The following RBM26 variants were observed in gnomAD, a reference collection of about 807,000 sequenced individuals.
The protein encoded by RBM26 is RNA-binding protein 26.
A neutral mutation model predicts 123.6 loss-of-function variants in RBM26; 30 were observed. The ratio of observed to expected loss-of-function variants is 0.24; its 90% confidence interval spans 0.18 to 0.33. RBM26 has a LOEUF of 0.33. Ranked by LOEUF, RBM26 falls within the 10% of genes least tolerant of loss-of-function variation. The pLI, the probability that RBM26 is intolerant of heterozygous loss-of-function variation, is 1.00. For missense variants in RBM26, 947 were observed against 1,203.6 expected, an observed-to-expected ratio of 0.79 and a Z score of 3.15; for synonymous variants, 400 against 404.4, an observed-to-expected ratio of 0.99 and a Z score of 0.13.
chr13:79,315,092 T>A, downstream of RBM26: 4 of 563,824 alleles, frequency 7.1e-6, no homozygotes, highest in South Asian at 6.9e-5. Context: ...TTCTAAACAT[T>A]AAAAAAGTCT....
At chr13:79,334,238 CA>C (rs2069926995) in intron 20 of RBM26, 105 bp downstream of exon 20, 3 of 630,036 alleles carry the variant, frequency 4.8e-6, no homozygotes, top group Non-Finnish European at 8.0e-6. Context: ...TACCTATTGT[CA>C]AAGCATATTA....
Position 79,342,709 on chromosome 13 carries a change from A to G in RBM26, c.2382T>C (p.Ala794=), listed in dbSNP as rs778334860. The G allele has an allele frequency of 1.2e-6, 2 of 1,611,656 alleles. No individual in the cohort carries two copies. The highest frequency in any genetic ancestry group is 1.7e-6 in the Non-Finnish European group (2 of 1,178,494). Residue 794 remains alanine, a synonymous_variant, in exon 17 of 22, where the codon GCT becomes GCC. Coordinates refer to ENST00000438737, the MANE Select transcript of RBM26 (RefSeq NM_001366735.2). The stretch of plus-strand genomic sequence containing the variant: ...TTTTTGGAAGACAGCGTCCAGGAGA[A>G]GCAGCTTTGACCTCATCTTTCAACT... The part of the protein sequence containing the change: ...ITKLKDEVKA[A]SPGRCLPKSI...
chr13:79,338,316 T>C (rs1566350479), intron 18 of RBM26, among the ~76,000 whole-genome samples: 2 of 152,234 alleles, frequency 1.3e-5, no homozygotes, highest in South Asian at 4.1e-4. Context: ...AGATTTGCAG[T>C]GAATAACCCA....
intron 6 of RBM26, among the ~76,000 whole-genome samples, chr13:79,368,057 G>A (rs61151618): frequency 6.9e-5 from 10 of 145,444 alleles, no homozygotes; most frequent in Non-Finnish European, 1.2e-4. Context: ...ACGGAGTCTC[G>A]CTCTGTCACC....
chr13:79,359,234 G>A (rs1213965760), intron 10 of RBM26, among the ~76,000 whole-genome samples: 2 of 152,116 alleles, frequency 1.3e-5, no homozygotes, highest in African/African-American at 4.8e-5. Flanking sequence ...TCTCTTGACA[G>A]GTCTGATCTA....
chr13:79,377,991 A>G (rs1034875060), intron 2 of RBM26, among the ~76,000 whole-genome samples: 10 of 152,262 alleles, frequency 6.6e-5, no homozygotes, highest in Middle Eastern at 3.4e-3. Flanking sequence ...CCAGTGTGCC[A>G]TGGCACAAGT....
At chr13:79,344,840 T>C (rs2072041078) in intron 14 of RBM26, 46 bp from the exon 15 acceptor site, 2 of 1,586,218 alleles carry the variant, frequency 1.3e-6, no homozygotes, top group Admixed American at 3.5e-5. Context: ...CAGCCGTTCA[T>C]GATATCCTAT....
At chr13:79,403,027 A>AC (rs1191652690) in intron 1 of RBM26, among the ~76,000 whole-genome samples, 1 of 151,858 alleles carries the variant, frequency 6.6e-6, no homozygotes. Context: ...GTTACAGCTT[A>AC]CCCTTGGTCC....
intron 20 of RBM26, among the ~76,000 whole-genome samples, chr13:79,331,805 G>A (rs997794458): frequency 2.6e-5 from 4 of 152,156 alleles, no homozygotes; most frequent in Non-Finnish European, 5.9e-5. Flanking sequence ...AATCAGTCAT[G>A]GAAGAGACGA....
intron 14 of RBM26, among the ~76,000 whole-genome samples, chr13:79,352,471 A>T (rs1275300792): frequency 6.6e-6 from 1 of 151,906 alleles, no homozygotes. Context: ...CTAAACAAAA[A>T]AAAAAAATAA....
At chr13:79,391,115 T>G (rs1219096392) in intron 1 of RBM26, among the ~76,000 whole-genome samples, 1 of 152,158 alleles carries the variant, frequency 6.6e-6, no homozygotes, top group Non-Finnish European at 1.5e-5. Context: ...AATAAGATCA[T>G]AAAGGACATG....
chr13:79,371,894 T>C lies in RBM26; in HGVS notation c.364A>G (p.Arg122Gly). ...TGGGGAGGACTGTGATTTAGCCTTCTAGAAAACTTCTTCTCTCGCTCTTCC... is the reference window on the plus strand; with the variant it reads ...TGGGGAGGACTGTGATTTAGCCTTCCAGAAAACTTCTTCTCTCGCTCTTCC... ...KEEEREKKFS[R>G]RLNHSPPQSS... Residue 122 changes from arginine (R) to glycine (G), a missense_variant, in exon 4 of 22, where the codon AGA becomes GGA. Arg to Gly is a moderately radical substitution (Grantham distance 125, BLOSUM62 -2). Around this residue, in one of 5 missense-constraint regions of RBM26, gnomAD observed 275 missense variants for 361.0 expected, o/e 0.76. Transcript: ENST00000438737. 1.9e-6 allele frequency: 3 copies of C among 1,612,526 alleles called. No individual in the cohort carries two copies. Among genetic ancestry groups the C allele is most frequent in the Non-Finnish European group, 2.5e-6 (3 of 1,179,072 alleles).
intron 21 of RBM26, 112 bp from the exon 22 acceptor site, chr13:79,320,822 A>G: frequency 8.5e-7 from 1 of 1,175,718 alleles, no homozygotes; most frequent in African/African-American, 1.6e-5. Flanking sequence ...TACAAAAGGT[A>G]TTTTTATAGC....
chr13:79,357,025 T>C (rs1274544419), intron 11 of RBM26, among the ~76,000 whole-genome samples: 1 of 122,570 alleles, frequency 8.2e-6, no homozygotes, highest in Non-Finnish European at 1.8e-5. Flanking sequence ...GTAATGTGTA[T>C]ACTATGGGCT....
At chr13:79,316,192 GGT>G (rs3064578), downstream of RBM26, among the ~76,000 whole-genome samples, 47,999 of 141,798 alleles carry the variant, frequency 0.34, 7,904 homozygotes, top group Admixed American at 0.43. Flanking sequence ...AAGTGGGGCA[GGT>G]GTGTGTGTGT....
At chr13:79,324,782 AAAAAG>A (rs1193426196) in intron 20 of RBM26, among the ~76,000 whole-genome samples, 2 of 152,026 alleles carry the variant, frequency 1.3e-5, no homozygotes, top group African/African-American at 2.4e-5. Context: ...TATGTATTAA[AAAAAG>A]AAAAAAAATT....
intron 19 of RBM26, among the ~76,000 whole-genome samples, chr13:79,336,355 T>TA (rs1333588689): frequency 6.6e-6 from 1 of 152,182 alleles, no homozygotes; most frequent in Middle Eastern, 3.2e-3. Context: ...CTGATACATG[T>TA]AAAAGCCTTG....
intron 18 of RBM26, among the ~76,000 whole-genome samples, chr13:79,338,397 G>A (rs1436687202): frequency 6.6e-6 from 1 of 152,086 alleles, no homozygotes; most frequent in Non-Finnish European, 1.5e-5. Flanking sequence ...GCAGTAGCTG[G>A]TGGATTGTAT....
chr13:79,386,068 C>A (rs1311181230), intron 1 of RBM26, among the ~76,000 whole-genome samples: 1 of 150,984 alleles, frequency 6.6e-6, no homozygotes, highest in East Asian at 1.9e-4. Context: ...ATAGCCTCAC[C>A]TGAAATTAAA....
Sources: allele counts gnomAD v4.1 joint callset (sites outside exome capture counted in the v4.1 genomes callset), GRCh38; gene constraint gnomAD v4.1.1; regional missense constraint gnomAD v4.1.1; transcripts MANE v1.5; gene names NCBI Gene and HGNC (gene_info 2026-07-23, HGNC 2026-07-21).